PSD3: variants seen among roughly 807,000 people sequenced by gnomAD.
The protein encoded by PSD3 is PH and SEC7 domain-containing protein 3.
Under a neutral mutation model 105.5 loss-of-function variants are expected in PSD3, and 49 were observed. The observed-to-expected ratio is 0.46, with a 90% confidence interval of 0.37 to 0.59. PSD3 has a LOEUF of 0.59. Among genes scored for constraint, PSD3 ranks in the 20% least tolerant of loss-of-function variants. The pLI is 0.00. For synonymous variants in PSD3, 557 were observed against 457.8 expected, an observed-to-expected ratio of 1.22 and a Z score of -2.77; for missense variants, 1,561 against 1,263.8, an observed-to-expected ratio of 1.24 and a Z score of -3.57.
Position 19,067,277 on chromosome 8 carries a change from G to A in PSD3, c.324+16929C>T, listed in dbSNP as rs188630605. On this transcript the variant is annotated intron_variant, in intron 1 of 1. Transcript: ENST00000521475. ...ACCTGAAATTTCCATGCCCTCTTGCGTGGTACAGTATGTTCATATCTATCA... is the reference window on the plus strand; with the variant it reads ...ACCTGAAATTTCCATGCCCTCTTGCATGGTACAGTATGTTCATATCTATCA... Among the ~76,000 whole-genome samples, 28 of 152,260 alleles carry A rather than the reference G, an allele frequency of 1.8e-4. 1 individual carries two copies. Among genetic ancestry groups the A allele is most frequent in the Middle Eastern group, 3.4e-3 (1 of 294 alleles).
chr8:19,081,656 A>G (rs374339656), intron 1 of PSD3, among the ~76,000 whole-genome samples: 2 of 152,366 alleles, frequency 1.3e-5, no homozygotes, highest in African/African-American at 4.8e-5. Context: ...GTCATAGAAC[A>G]AACTAAGAAC....
chr8:18,619,993 G>A (rs11785213), intron 11 of PSD3, among the ~76,000 whole-genome samples: 5,501 of 152,186 alleles, frequency 0.036, 147 homozygotes, highest in East Asian at 0.13. Context: ...TCAAAAGTCT[G>A]AAAAGAGACA....
chr8:18,903,749 G>A (rs570234222), intron 2 of PSD3, among the ~76,000 whole-genome samples: 1 of 152,258 alleles, frequency 6.6e-6, no homozygotes, highest in South Asian at 2.1e-4. Context: ...GTTTCCCTAG[G>A]ATGCAGGCTG....
At chr8:18,658,094 A>G (rs1256698852) in intron 9 of PSD3, among the ~76,000 whole-genome samples, 1 of 152,226 alleles carries the variant, frequency 6.6e-6, no homozygotes, top group Admixed American at 6.5e-5. Context: ...CGAATTCCAC[A>G]GACTTGCAGT....
At chr8:18,621,010 G>A (rs1283629114) in intron 11 of PSD3, among the ~76,000 whole-genome samples, 3 of 152,198 alleles carry the variant, frequency 2.0e-5, no homozygotes, top group African/African-American at 4.8e-5. Flanking sequence ...CATGCACAGT[G>A]AAAACTGAAC....
intron 1 of PSD3, among the ~76,000 whole-genome samples, chr8:19,059,823 G>T (rs762447975): frequency 6.6e-6 from 1 of 152,194 alleles, no homozygotes. Context: ...CTGCCAGGGT[G>T]CCCTTCAGCT....
At chr8:18,663,233 C>T (rs564628964) in intron 9 of PSD3, among the ~76,000 whole-genome samples, 1 of 152,180 alleles carries the variant, frequency 6.6e-6, no homozygotes, top group African/African-American at 2.4e-5. Context: ...TCGAAACCAG[C>T]CTAGCCAACG....
At position 18,531,476 on chromosome 8, in the gene PSD3, C is replaced by T. The variant is rs1349282711; in HGVS notation, c.*4267G>A. 1 of 150,574 alleles carries T rather than the reference C, an allele frequency of 6.6e-6. No individual in the cohort carries two copies. The highest frequency in any genetic ancestry group is 2.4e-5 in the African/African-American group (1 of 41,144). 9.3% of individuals were successfully genotyped at this position (150,574 alleles called of 1,614,324 possible). On this transcript the variant is annotated 3_prime_UTR_variant, in exon 16 of 16. Transcript: ENST00000327040. ...GAAAAATCAGTGACAAAGCCCCTCT[C>T]TATTGCTATCAATAATCTATCACGG...
chr8:18,761,438 G>T (rs1806528329), intron 9 of PSD3, among the ~76,000 whole-genome samples: 1 of 152,144 alleles, frequency 6.6e-6, no homozygotes, highest in East Asian at 1.9e-4. Flanking sequence ...ATAGCTAACA[G>T]ACAATACTTA....
chr8:18,616,618 C>CTTTTTTT (rs36197855), intron 11 of PSD3, among the ~76,000 whole-genome samples: 1,169 of 71,240 alleles, frequency 0.016, 64 homozygotes, highest in South Asian at 0.042. Flanking sequence ...ATCTTCCTCT[C>CTTTTTTT]TTTTCTTTTC....
chr8:19,016,588 C>A (rs1827185788), upstream of PSD3, among the ~76,000 whole-genome samples: 1 of 152,226 alleles, frequency 6.6e-6, no homozygotes, highest in South Asian at 2.1e-4. Context: ...ATAGTTTTAT[C>A]TACCACCTAC....
intron 9 of PSD3, among the ~76,000 whole-genome samples, chr8:18,731,077 A>G (rs1381164459): frequency 6.6e-6 from 1 of 151,170 alleles, no homozygotes; most frequent in African/African-American, 2.4e-5. Context: ...CCAACATGGT[A>G]AAACCCTGTC....
At chr8:19,013,798 G>A (rs1044376541), upstream of PSD3, 2 of 196,154 alleles carry the variant, frequency 1.0e-5, no homozygotes, top group African/African-American at 2.4e-5. Context: ...TCAAAGCGAA[G>A]GCGGCGCAGG....
chr8:18,780,019 T>G (rs1808455832), intron 8 of PSD3, among the ~76,000 whole-genome samples: 1 of 152,198 alleles, frequency 6.6e-6, no homozygotes, highest in Non-Finnish European at 1.5e-5. Flanking sequence ...GAGAGTCAGT[T>G]GTTGAAGACA....
intron 8 of PSD3, among the ~76,000 whole-genome samples, chr8:18,787,439 G>A (rs1019733943): frequency 3.9e-5 from 6 of 151,990 alleles, no homozygotes; most frequent in Non-Finnish European, 8.8e-5. Context: ...TTTAAAATCA[G>A]TAGGCATTTT....
At chr8:18,811,888 C>G (rs1412683705) in intron 4 of PSD3, among the ~76,000 whole-genome samples, 1 of 152,036 alleles carries the variant, frequency 6.6e-6, no homozygotes, top group African/African-American at 2.4e-5. Flanking sequence ...GAAATATATT[C>G]CATTTAGTAA....
At chr8:19,042,045 T>C (rs1586659463) in intron 1 of PSD3, among the ~76,000 whole-genome samples, 1 of 152,160 alleles carries the variant, frequency 6.6e-6, no homozygotes, top group Non-Finnish European at 1.5e-5. Flanking sequence ...GAAAAAACAA[T>C]TTATCTTTAT....
At chr8:18,730,330 A>G (rs1750269288) in intron 9 of PSD3, 1 of 152,274 alleles carries the variant, frequency 6.6e-6, no homozygotes, top group African/African-American at 2.4e-5. Context: ...CTCCTTCTCC[A>G]GCTGACAAGC....
intron 11 of PSD3, among the ~76,000 whole-genome samples, chr8:18,604,438 A>G (rs1422501226): frequency 1.3e-5 from 2 of 152,118 alleles, no homozygotes; most frequent in African/African-American, 4.8e-5. Flanking sequence ...CTAACATCCT[A>G]TGCTCATATG....
Sources: gnomAD v4.1 joint callset for allele counts (sites outside exome capture counted in the v4.1 genomes callset) on GRCh38, gnomAD v4.1.1 for gene constraint, MANE v1.5 for transcripts, NCBI Gene and HGNC (gene_info 2026-07-23, HGNC 2026-07-21) for gene names.